ENPEP: variants seen among roughly 807,000 people sequenced by gnomAD.
The protein encoded by ENPEP is AP-A.
In ENPEP, 103 loss-of-function variants were observed where a neutral mutation model predicts 114.5. The ratio of observed to expected loss-of-function variants is 0.90; its 90% CI spans 0.77 to 1.06. The LOEUF is 1.06. ENPEP is among the 50% of genes least tolerant of loss of function. ENPEP has a pLI of 0.00. For missense variants in ENPEP, 1,196 were observed against 1,161.3 expected, an observed-to-expected ratio of 1.03 and a Z score of -0.43; for synonymous variants, 420 against 422.0, an observed-to-expected ratio of 1.00 and a Z score of 0.06.
chr4:110,489,704 T>C (rs1025847427), intron 2 of ENPEP, among the ~76,000 whole-genome samples: 1 of 152,218 alleles, frequency 6.6e-6, no homozygotes, highest in African/African-American at 2.4e-5. Context: ...ATAATGTTGT[T>C]ACCTAGAGTT....
At chr4:110,530,562 T>C (rs561334593) in intron 10 of ENPEP, among the ~76,000 whole-genome samples, 1 of 152,250 alleles carries the variant, frequency 6.6e-6, no homozygotes, top group South Asian at 2.1e-4. Flanking sequence ...CAAAGTTAAC[T>C]CCCACCTACC....
At chr4:110,559,529 T>G (rs1168058169) in intron 18 of ENPEP, 118 bp from the exon 19 acceptor site, 3 of 711,582 alleles carry the variant, frequency 4.2e-6, no homozygotes, top group Non-Finnish European at 7.1e-6. Flanking sequence ...TACTGTGTTT[T>G]GCTTACTTTG....
intron 3 of ENPEP, among the ~76,000 whole-genome samples, chr4:110,502,371 G>C (rs1043886106): frequency 7.2e-5 from 11 of 152,144 alleles, no homozygotes; most frequent in Admixed American, 5.9e-4. Context: ...GTCTGGAATG[G>C]TATTTCCTAG....
chr4:110,488,523 T>G lies in ENPEP; in HGVS notation c.645-18T>G. 6.3e-7 allele frequency: 1 copy of G among 1,593,746 alleles called. No homozygotes were observed. The highest frequency in any genetic ancestry group is 1.4e-5 in the African/African-American group (1 of 73,858). On this transcript the variant is annotated intron_variant, in intron 1 of 19. Coordinates refer to ENST00000265162, the MANE Select transcript of ENPEP (RefSeq NM_001977.4). ...AGAGGCAGCATGCATTTCGTTTGTT[T>G]GTTTGTTTGTTTCTAAGGAGCATAG...
chr4:110,520,078 G>A lies in ENPEP; in HGVS notation c.1575+5G>A, dbSNP rs1230608872. On this transcript the variant is annotated splice_donor_5th_base_variant and intron_variant, in intron 9 of 19. Coordinates refer to ENST00000265162, the MANE Select transcript of ENPEP (RefSeq NM_001977.4). ...TTTTGGGCAGCACTGGAAGAGGTAAGGAAGAGTATATGTCCCCAAATATTT... is the reference window on the plus strand; with the variant it reads ...TTTTGGGCAGCACTGGAAGAGGTAAAGAAGAGTATATGTCCCCAAATATTT... 1 of 1,613,708 alleles carries A rather than the reference G, an allele frequency of 6.2e-7. No homozygotes were observed. Among genetic ancestry groups the A allele is most frequent in the Admixed American group, 1.7e-5 (1 of 59,992 alleles).
At chr4:110,484,627 T>G (rs1357963623) in intron 1 of ENPEP, among the ~76,000 whole-genome samples, 1 of 151,300 alleles carries the variant, frequency 6.6e-6, no homozygotes, top group Non-Finnish European at 1.5e-5. Context: ...ATACGCTAGT[T>G]TAGGAAGGTA....
chr4:110,518,992 T>C (rs1221114522), intron 8 of ENPEP: 7 of 427,604 alleles, frequency 1.6e-5, no homozygotes, highest in Non-Finnish European at 2.8e-5. Flanking sequence ...ATTCAATTAT[T>C]TTATTAAGAT....
chr4:110,505,292 A>T (rs948105075), intron 3 of ENPEP, among the ~76,000 whole-genome samples: 2 of 152,102 alleles, frequency 1.3e-5, no homozygotes, highest in Non-Finnish European at 2.9e-5. Flanking sequence ...ATTAGAGAAA[A>T]TGTATCATCA....
chr4:110,490,731 G>A (rs1724676291), intron 2 of ENPEP, among the ~76,000 whole-genome samples: 1 of 152,072 alleles, frequency 6.6e-6, no homozygotes, highest in Non-Finnish European at 1.5e-5. Context: ...GAAATATTAT[G>A]GTCAGCATGA....
rs1372173991 is a variant in ENPEP at position 110,548,425 on chromosome 4, G to C, written c.2151+99G>C. On this transcript the variant is annotated intron_variant, in intron 14 of 19. Coordinates refer to ENST00000265162, the MANE Select transcript of ENPEP (RefSeq NM_001977.4). The stretch of plus-strand genomic sequence containing the variant: ...AGGAGCTCTTGGGGACCTAAACCAT[G>C]TTTGCTTGCCAGGTGGAATCAAAAG... 6 of 1,015,754 alleles carry C rather than the reference G, an allele frequency of 5.9e-6. No homozygotes were observed. In the African/African-American group the frequency reaches 1.0e-4, roughly 17 times the overall value. 62.9% of individuals were successfully genotyped at this position (1,015,754 alleles called of 1,614,324 possible).
chr4:110,510,861 A>G (rs535006420), intron 6 of ENPEP, among the ~76,000 whole-genome samples: 2 of 152,346 alleles, frequency 1.3e-5, no homozygotes, highest in South Asian at 2.1e-4. Flanking sequence ...TGAGCAAGTT[A>G]CATAATATCT....
intron 1 of ENPEP, among the ~76,000 whole-genome samples, chr4:110,486,124 A>T (rs184273753): frequency 6.6e-6 from 1 of 152,298 alleles, no homozygotes; most frequent in African/African-American, 2.4e-5. Context: ...TTAGTAGGCA[A>T]TCTACTGGAA....
intron 8 of ENPEP, among the ~76,000 whole-genome samples, chr4:110,517,055 T>TGGAG (rs1313700169): frequency 3.3e-5 from 5 of 152,144 alleles, no homozygotes; most frequent in Non-Finnish European, 7.4e-5. Context: ...GCGATTCTCA[T>TGGAG]GTCTCAGTCT....
At chr4:110,490,332 C>T (rs1301081356) in intron 2 of ENPEP, among the ~76,000 whole-genome samples, 2 of 152,200 alleles carry the variant, frequency 1.3e-5, no homozygotes, top group Non-Finnish European at 2.9e-5. Context: ...CTAATCCAGC[C>T]TCCCTCGCTT....
chr4:110,498,644 G>A (rs558413157), intron 3 of ENPEP, among the ~76,000 whole-genome samples: 11 of 152,248 alleles, frequency 7.2e-5, no homozygotes, highest in African/African-American at 1.9e-4. Flanking sequence ...AGGGCACAGC[G>A]GGGCTGCGGC....
intron 10 of ENPEP, among the ~76,000 whole-genome samples, chr4:110,521,205 A>G (rs1266591108): frequency 1.3e-5 from 2 of 152,042 alleles, no homozygotes; most frequent in East Asian, 3.9e-4. Context: ...TGTCTCTACA[A>G]AAAATTTTTA....
chr4:110,489,696 A>G (rs575996968), intron 2 of ENPEP, among the ~76,000 whole-genome samples: 43 of 152,204 alleles, frequency 2.8e-4, no homozygotes, highest in Non-Finnish European at 4.4e-4. Flanking sequence ...TATAATGGAT[A>G]ATGTTGTTAC....
intron 3 of ENPEP, among the ~76,000 whole-genome samples, chr4:110,501,073 A>C (rs976943233): frequency 5.9e-5 from 9 of 152,170 alleles, no homozygotes; most frequent in South Asian, 2.1e-4. Flanking sequence ...TAAACGACAG[A>C]AAATGTTGGC....
chr4:110,521,227 G>T (rs1725975992), intron 10 of ENPEP, among the ~76,000 whole-genome samples: 1 of 151,968 alleles, frequency 6.6e-6, no homozygotes, highest in Admixed American at 6.6e-5. Flanking sequence ...AAAGGCACTG[G>T]AGTATGGTAG....
Sources: gnomAD v4.1 joint callset for allele counts (sites outside exome capture counted in the v4.1 genomes callset) on GRCh38, gnomAD v4.1.1 for gene constraint, MANE v1.5 for transcripts, NCBI Gene and HGNC (gene_info 2026-07-23, HGNC 2026-07-21) for gene names.